PPP1R12A: variants seen among roughly 807,000 people sequenced by gnomAD.
The protein encoded by PPP1R12A is protein phosphatase 1 regulatory subunit 12A, also known as myosin binding subunit.
In PPP1R12A, 19 loss-of-function variants were observed where a neutral mutation model predicts 139.6. That is an observed-to-expected ratio of 0.14 (90% CI 0.09 to 0.20). PPP1R12A has a LOEUF of 0.20. Among genes scored for constraint, PPP1R12A ranks in the 10% least tolerant of loss-of-function variants. The pLI is 1.00. For missense variants in PPP1R12A, 925 were observed against 1,211.5 expected (o/e 0.76, Z 3.51); for synonymous variants, 427 against 420.6 (o/e 1.02, Z -0.19).
At chr12:79,901,981 C>T (rs1005863339) in intron 1 of PPP1R12A, among the ~76,000 whole-genome samples, 4 of 152,052 alleles carry the variant, frequency 2.6e-5, no homozygotes, top group African/African-American at 9.7e-5. Context: ...AATATAAGAG[C>T]TGGAGATATG....
chr12:79,787,358 A>G (rs997260740), intron 21 of PPP1R12A: 1 of 152,142 alleles, frequency 6.6e-6, no homozygotes, highest in Non-Finnish European at 1.5e-5. Flanking sequence ...ATTAAAATTT[A>G]TTTATTCCAA....
chr12:79,785,057 G>A (rs973844238), intron 22 of PPP1R12A, among the ~76,000 whole-genome samples: 4 of 152,144 alleles, frequency 2.6e-5, no homozygotes, highest in Non-Finnish European at 5.9e-5. Flanking sequence ...CAACCTGAAG[G>A]ATGATGACAA....
chr12:79,904,430 T>C (rs1300449944), intron 1 of PPP1R12A, among the ~76,000 whole-genome samples: 1 of 152,132 alleles, frequency 6.6e-6, no homozygotes, highest in African/African-American at 2.4e-5. Context: ...ACATTTTGAA[T>C]GGAGTGGTTA....
intron 16 of PPP1R12A, 114 bp from the exon 17 acceptor site, chr12:79,797,064 T>C (rs1872581220): frequency 6.6e-6 from 9 of 1,373,864 alleles, no homozygotes; most frequent in Non-Finnish European, 8.9e-6. Context: ...GCCAAAGTAA[T>C]TCAAATTTCC....
At chr12:79,836,709 GA>G (rs371890397) in intron 3 of PPP1R12A, among the ~76,000 whole-genome samples, 39 of 151,560 alleles carry the variant, frequency 2.6e-4, no homozygotes, top group East Asian at 1.9e-3. Flanking sequence ...AAAACTTGAA[GA>G]AAAAAAAATC....
At chr12:79,854,980 A>AATTATT (rs568597394) in intron 2 of PPP1R12A, among the ~76,000 whole-genome samples, 17 of 151,312 alleles carry the variant, frequency 1.1e-4, no homozygotes, top group African/African-American at 1.9e-4. Flanking sequence ...ACCAAGTAAC[A>AATTATT]ATTATTATTA....
At chr12:79,843,747 A>G in intron 3 of PPP1R12A, among the ~76,000 whole-genome samples, 1 of 151,258 alleles carries the variant, frequency 6.6e-6, no homozygotes, top group African/African-American at 2.4e-5. Flanking sequence ...TCTGTTCTCA[A>G]GGCTGGAGTG....
At chr12:79,788,019 A>C in intron 21 of PPP1R12A, 1 of 152,288 alleles carries the variant, frequency 6.6e-6, no homozygotes, top group East Asian at 1.9e-4. Context: ...AGCATAGTTC[A>C]GTTCTTTATT....
At chr12:79,782,583 G>C (rs1483627413) in intron 22 of PPP1R12A, 2 of 455,006 alleles carry the variant, frequency 4.4e-6, no homozygotes, top group East Asian at 7.0e-5. Context: ...GTTGTATCCT[G>C]TACTGGAGAG....
chr12:79,935,176 G>A, upstream of PPP1R12A: 2 of 1,334,418 alleles, frequency 1.5e-6, no homozygotes, highest in Non-Finnish European at 1.9e-6. Flanking sequence ...ACCCGTCACC[G>A]GCGGCCAATC....
chr12:79,803,306 T>C (rs1873427145), intron 14 of PPP1R12A, among the ~76,000 whole-genome samples: 1 of 152,140 alleles, frequency 6.6e-6, no homozygotes, highest in African/African-American at 2.4e-5. Flanking sequence ...AGAAAAATAA[T>C]TTATATATTT....
intron 1 of PPP1R12A, among the ~76,000 whole-genome samples, chr12:79,930,010 T>C (rs1356693656): frequency 1.3e-5 from 2 of 152,204 alleles, no homozygotes; most frequent in African/African-American, 4.8e-5. Context: ...TACTATGTGC[T>C]AGGCTCTGGA....
At chr12:79,813,448 C>T (rs1874860734) in intron 9 of PPP1R12A, among the ~76,000 whole-genome samples, 1 of 152,182 alleles carries the variant, frequency 6.6e-6, no homozygotes, top group African/African-American at 2.4e-5. Flanking sequence ...ACCCACAGCA[C>T]ATAGCAGTCT....
At chr12:79,896,774 T>C (rs1418025763) in intron 1 of PPP1R12A, among the ~76,000 whole-genome samples, 2 of 152,222 alleles carry the variant, frequency 1.3e-5, no homozygotes, top group African/African-American at 4.8e-5. Flanking sequence ...TGTATGACAA[T>C]AAACCTATTC....
At chr12:79,900,106 A>G (rs1416785251) in intron 1 of PPP1R12A, among the ~76,000 whole-genome samples, 3 of 152,226 alleles carry the variant, frequency 2.0e-5, no homozygotes, top group Non-Finnish European at 4.4e-5. Context: ...AACAATAAAT[A>G]CAACTTTCAT....
intron 9 of PPP1R12A, among the ~76,000 whole-genome samples, chr12:79,816,607 C>G (rs190741506): frequency 1.4e-4 from 21 of 152,136 alleles, no homozygotes; most frequent in African/African-American, 5.1e-4. Flanking sequence ...GATTAACACA[C>G]TAACTGGAAA....
intron 4 of PPP1R12A, among the ~76,000 whole-genome samples, chr12:79,829,186 A>T (rs1877127291): frequency 1.3e-5 from 2 of 152,148 alleles, no homozygotes; most frequent in Admixed American, 6.6e-5. Context: ...TTTTATTTAG[A>T]CATTAAGCTC....
rs1869645644 is a variant in PPP1R12A, at chr12:79,775,753, A to G, written c.*176T>C. 4.6e-6 allele frequency: 2 copies of G among 434,136 alleles called. No homozygotes were observed. The highest frequency in any genetic ancestry group is 2.0e-5 in the African/African-American group (1 of 49,052). 26.9% of individuals were successfully genotyped at this position (434,136 alleles called of 1,614,324 possible). Reference sequence around the variant, plus strand: ...AACAAAAAACAAACCAACAACAACAAAAACACCCCAGAAAATTAAACAAAA... The same window carrying G: ...AACAAAAAACAAACCAACAACAACAGAAACACCCCAGAAAATTAAACAAAA... On this transcript the variant is annotated 3_prime_UTR_variant, in exon 25 of 25. Coordinates refer to ENST00000450142, the MANE Select transcript of PPP1R12A (RefSeq NM_002480.3).
At chr12:79,921,328 T>C (rs1887420808) in intron 1 of PPP1R12A, among the ~76,000 whole-genome samples, 1 of 152,000 alleles carries the variant, frequency 6.6e-6, no homozygotes, top group Non-Finnish European at 1.5e-5. Context: ...AAGTTGAAAC[T>C]ACATAAATAA....
Sources: allele counts gnomAD v4.1 joint callset (sites outside exome capture counted in the v4.1 genomes callset), GRCh38; gene constraint gnomAD v4.1.1; transcripts MANE v1.5; gene names NCBI Gene and HGNC (gene_info 2026-07-23, HGNC 2026-07-21).